WWC2: variants seen among roughly 807,000 people sequenced by gnomAD.
WWC2 encodes the protein protein WWC2.
WWC2 carries 101 observed loss-of-function variants against 138.5 expected under a neutral mutation model. The ratio of observed to expected loss-of-function variants is 0.73; its 90% CI spans 0.62 to 0.86. The LOEUF is 0.86. Ranked by LOEUF, WWC2 falls within the 40% of genes least tolerant of loss-of-function variation. The probability of loss-of-function intolerance (pLI) is 0.00; values close to 1 mark genes in which losing one functional copy is unlikely to be tolerated. For synonymous variants in WWC2, 558 were observed against 538.4 expected (o/e 1.04, Z -0.50); for missense variants, 1,420 against 1,419.4 (o/e 1.00, Z -0.01).
intron 21 of WWC2, among the ~76,000 whole-genome samples, 198 bp from the exon 22 acceptor site, chr4:183,312,143 C>T (rs571801273): frequency 2.0e-5 from 3 of 152,192 alleles, no homozygotes; most frequent in Non-Finnish European, 4.4e-5. Context: ...TGAACTTACC[C>T]CAAAATCAAC....
At chr4:183,201,553 G>A (rs141529615) in intron 2 of WWC2, among the ~76,000 whole-genome samples, 1 of 152,140 alleles carries the variant, frequency 6.6e-6, no homozygotes, top group Non-Finnish European at 1.5e-5. Flanking sequence ...TAGAGGCCAG[G>A]TTAAACACCC....
intron 21 of WWC2, among the ~76,000 whole-genome samples, chr4:183,291,340 C>T (rs1036585603): frequency 6.6e-6 from 1 of 152,160 alleles, no homozygotes; most frequent in Non-Finnish European, 1.5e-5. Context: ...GGGCAGGAGC[C>T]TGCAGGAGAG....
chr4:183,210,266 G>A (rs1263669624), intron 4 of WWC2, among the ~76,000 whole-genome samples: 1 of 152,088 alleles, frequency 6.6e-6, no homozygotes, highest in African/African-American at 2.4e-5. Flanking sequence ...TGGTTACCGT[G>A]GACCTCGGGG....
At chr4:183,198,416 G>T (rs1397707245) in intron 2 of WWC2, among the ~76,000 whole-genome samples, 1 of 151,802 alleles carries the variant, frequency 6.6e-6, no homozygotes, top group African/African-American at 2.4e-5. Context: ...TTTTTTGGGG[G>T]TAGAGATGGC....
intron 14 of WWC2, among the ~76,000 whole-genome samples, chr4:183,268,414 T>C (rs1017069607): frequency 1.3e-5 from 2 of 152,242 alleles, no homozygotes; most frequent in African/African-American, 4.8e-5. Flanking sequence ...AATTTGGAGA[T>C]GCTAGACAGT....
At chr4:183,199,197 G>T (rs1176965300) in intron 2 of WWC2, among the ~76,000 whole-genome samples, 1 of 152,198 alleles carries the variant, frequency 6.6e-6, no homozygotes, top group Non-Finnish European at 1.5e-5. Context: ...GGAAAGACAT[G>T]CAGGAAATTC....
rs1304365798 is a variant in WWC2 at position 183,312,524 on chromosome 4, T to C, written c.3512+56T>C. On this transcript the variant is annotated intron_variant, in intron 22 of 22. Coordinates refer to ENST00000403733, the MANE Select transcript of WWC2 (RefSeq NM_024949.6). ...GTTGCCCTCACGGGGTCTGATTGTG[T>C]AGGAATTCACCTCAGTGCAGTGAAA... is the stretch of plus-strand genomic sequence containing the variant. 3.2e-5 allele frequency: 51 copies of C among 1,606,174 alleles called. No individual in the cohort carries two copies. In the East Asian group the frequency reaches 1.1e-3, roughly 35 times the overall value.
At chr4:183,276,630 G>C (rs145419505) in intron 16 of WWC2, among the ~76,000 whole-genome samples, 1 of 152,012 alleles carries the variant, frequency 6.6e-6, no homozygotes, top group Non-Finnish European at 1.5e-5. Flanking sequence ...TCACAAGATA[G>C]TATTATTGTT....
intron 1 of WWC2, among the ~76,000 whole-genome samples, chr4:183,143,000 C>T (rs1361094205): frequency 1.3e-5 from 2 of 152,206 alleles, no homozygotes; most frequent in Non-Finnish European, 2.9e-5. Context: ...TGAAATTCAT[C>T]ATTCTGTCAC....
intron 1 of WWC2, among the ~76,000 whole-genome samples, chr4:183,156,110 TC>T (rs1311502455): frequency 2.0e-5 from 3 of 152,088 alleles, no homozygotes; most frequent in Admixed American, 1.3e-4. Flanking sequence ...CATTGCAACC[TC>T]CACATCCCAG....
chr4:183,217,162 G>A (rs1208639800), intron 4 of WWC2, among the ~76,000 whole-genome samples: 1 of 152,146 alleles, frequency 6.6e-6, no homozygotes, highest in East Asian at 1.9e-4. Context: ...GATCCTTTAA[G>A]ATAATACAGT....
At chr4:183,180,371 T>C (rs995432068) in intron 1 of WWC2, among the ~76,000 whole-genome samples, 6 of 152,178 alleles carry the variant, frequency 3.9e-5, no homozygotes, top group African/African-American at 1.4e-4. Context: ...GGGTATCTTG[T>C]TGGTATTAGC....
chr4:183,225,108 A>C lies in WWC2; in HGVS notation c.523-15075A>C, dbSNP rs913976332. Among the ~76,000 whole-genome samples the C allele has an allele frequency of 3.9e-5, 6 of 152,214 alleles. No homozygotes were observed. In the East Asian group the frequency reaches 1.2e-3, roughly 29 times the overall value. ...ACCTGGAATCAGACATTTATTCAAGAAACTCTTTTTGTAAAATGTTGTATT... is the reference window on the plus strand; with the variant it reads ...ACCTGGAATCAGACATTTATTCAAGCAACTCTTTTTGTAAAATGTTGTATT... On this transcript the variant is annotated intron_variant, in intron 4 of 22. Coordinates refer to ENST00000403733, the MANE Select transcript of WWC2 (RefSeq NM_024949.6).
chr4:183,288,213 A>G (rs920064663), intron 20 of WWC2, among the ~76,000 whole-genome samples: 4 of 152,310 alleles, frequency 2.6e-5, no homozygotes, highest in African/African-American at 4.8e-5. Flanking sequence ...GGAGGACACA[A>G]TAAGAGTGAT....
chr4:183,239,667 CAG>C (rs951855419), intron 4 of WWC2, among the ~76,000 whole-genome samples: 12 of 152,106 alleles, frequency 7.9e-5, no homozygotes, highest in African/African-American at 2.7e-4. Flanking sequence ...CTAAATAAAA[CAG>C]AGCCGTGGCA....
At chr4:183,192,094 A>G (rs536168841) in intron 1 of WWC2, among the ~76,000 whole-genome samples, 1 of 152,322 alleles carries the variant, frequency 6.6e-6, no homozygotes, top group Admixed American at 6.5e-5. Context: ...TCTAAGAACC[A>G]CAGTTCTATG....
At chr4:183,191,901 A>AT (rs901474650) in intron 1 of WWC2, among the ~76,000 whole-genome samples, 3 of 150,826 alleles carry the variant, frequency 2.0e-5, no homozygotes, top group South Asian at 2.1e-4. Flanking sequence ...CTAATTTTTT[A>AT]TTTTTTTAGA....
At chr4:183,122,647 G>A (rs1318463699) in intron 1 of WWC2, among the ~76,000 whole-genome samples, 1 of 152,104 alleles carries the variant, frequency 6.6e-6, no homozygotes, top group Non-Finnish European at 1.5e-5. Context: ...AGCCTCCTGA[G>A]TAGCTGGGAT....
Position 183,319,621 on chromosome 4 carries a change from C to T in WWC2, c.*3892C>T, listed in dbSNP as rs562903430. Reference sequence around the variant, plus strand: ...TGATGATCTTGTGTTTGTGCCACTGCGTAGTGGCCCGAAGCTAGGGGAGCG... The same window carrying T: ...TGATGATCTTGTGTTTGTGCCACTGTGTAGTGGCCCGAAGCTAGGGGAGCG... On this transcript the variant is annotated 3_prime_UTR_variant, in exon 23 of 23. Coordinates refer to ENST00000403733, the MANE Select transcript of WWC2 (RefSeq NM_024949.6). The T allele has an allele frequency of 1.1e-5, 17 of 1,614,060 alleles. No homozygotes were observed. The highest frequency in any genetic ancestry group is 1.7e-4 in the Middle Eastern group (1 of 6,060).
Sources: gnomAD v4.1 joint callset for allele counts (sites outside exome capture counted in the v4.1 genomes callset) on GRCh38, gnomAD v4.1.1 for gene constraint, MANE v1.5 for transcripts, NCBI Gene and HGNC (gene_info 2026-07-23, HGNC 2026-07-21) for gene names.